The following PLD5 variants were observed in gnomAD, a reference collection of about 807,000 sequenced individuals.
PLD5 encodes the protein phospholipase D family member 5.
A neutral mutation model predicts 61.1 loss-of-function variants in PLD5; 36 were observed. That is an observed-to-expected ratio of 0.59 (90% CI 0.45 to 0.78). The LOEUF is 0.78. Ranked by LOEUF, PLD5 falls within the 30% of genes least tolerant of loss-of-function variation. The probability of loss-of-function intolerance (pLI) is 0.00; values close to 1 mark genes in which losing one functional copy is unlikely to be tolerated. For synonymous variants in PLD5, 243 were observed against 242.8 expected (o/e 1.00, Z -0.01); for missense variants, 515 against 644.4 (o/e 0.80, Z 2.17).
At chr1:242,290,927 C>T (rs1212194660) in intron 2 of PLD5, among the ~76,000 whole-genome samples, 1 of 152,142 alleles carries the variant, frequency 6.6e-6, no homozygotes, top group African/African-American at 2.4e-5. Flanking sequence ...CTGCCTGCTG[C>T]CTAATGAAAC....
At chr1:242,392,012 C>T (rs1022793222) in intron 1 of PLD5, among the ~76,000 whole-genome samples, 7 of 152,178 alleles carry the variant, frequency 4.6e-5, no homozygotes, top group Admixed American at 1.3e-4. Context: ...AATATAGGTG[C>T]CCATCAACAG....
At chr1:242,465,822 C>T (rs564516945) in intron 1 of PLD5, among the ~76,000 whole-genome samples, 3 of 152,086 alleles carry the variant, frequency 2.0e-5, no homozygotes, top group Non-Finnish European at 2.9e-5. Context: ...CCCAGCTACT[C>T]GGGAGGCTGA....
At chr1:242,418,567 A>G (rs1664953839) in intron 1 of PLD5, among the ~76,000 whole-genome samples, 1 of 152,190 alleles carries the variant, frequency 6.6e-6, no homozygotes, top group African/African-American at 2.4e-5. Flanking sequence ...CAGCAAAGTC[A>G]GGAGAATGGG....
chr1:242,297,422 T>G (rs867585525), intron 2 of PLD5, among the ~76,000 whole-genome samples: 117 of 80,630 alleles, frequency 1.5e-3, no homozygotes, highest in Middle Eastern at 8.8e-3. Context: ...TTTTTTTTTT[T>G]TTAAGGCAGG....
chr1:242,159,521 A>T (rs1665657594), intron 5 of PLD5, among the ~76,000 whole-genome samples: 1 of 152,140 alleles, frequency 6.6e-6, no homozygotes, highest in Non-Finnish European at 1.5e-5. Flanking sequence ...CTTTACTGTT[A>T]GGCAGCCACT....
chr1:242,162,474 C>CAAAG (rs1029586447), intron 5 of PLD5, among the ~76,000 whole-genome samples: 3 of 152,084 alleles, frequency 2.0e-5, no homozygotes, highest in African/African-American at 7.2e-5. Flanking sequence ...ACCTAAAATG[C>CAAAG]AAAGAAAATT....
chr1:242,330,568 A>T (rs1659107124), intron 2 of PLD5, among the ~76,000 whole-genome samples: 1 of 152,128 alleles, frequency 6.6e-6, no homozygotes, highest in South Asian at 2.1e-4. Context: ...TCTCTCACAC[A>T]TTCTTGATGG....
rs535782607 is a variant in PLD5, at chr1:242,252,322, G to A, written c.607+13015C>T. Among the ~76,000 whole-genome samples, 8 of 152,284 alleles carry A rather than the reference G, an allele frequency of 5.3e-5. No individual in the cohort carries two copies. The East Asian group carries it at 1.2e-3, about 22-fold the overall frequency. On this transcript the variant is annotated intron_variant, in intron 4 of 9. Coordinates refer to ENST00000536534, the MANE Select transcript of PLD5 (RefSeq NM_001372062.1). Reference sequence around the variant, plus strand: ...AAGCAGGTGCAATTGGGATGTCCACGGAGTCACAGAAGTAAGGGATCTTAC... The same window carrying A: ...AAGCAGGTGCAATTGGGATGTCCACAGAGTCACAGAAGTAAGGGATCTTAC...
At chr1:242,418,631 G>A (rs1010107183) in intron 1 of PLD5, among the ~76,000 whole-genome samples, 1 of 152,188 alleles carries the variant, frequency 6.6e-6, no homozygotes, top group Non-Finnish European at 1.5e-5. Flanking sequence ...GGCTGACCTA[G>A]TGTATCAGTT....
At chr1:242,431,074 A>C (rs2102888589) in intron 1 of PLD5, among the ~76,000 whole-genome samples, 1 of 152,350 alleles carries the variant, frequency 6.6e-6, no homozygotes. Flanking sequence ...GGTGAAATAC[A>C]CATAACATAA....
intron 3 of PLD5, among the ~76,000 whole-genome samples, chr1:242,287,290 C>G (rs1405474187): frequency 6.6e-6 from 1 of 152,186 alleles, no homozygotes; most frequent in Non-Finnish European, 1.5e-5. Context: ...GAGATAAGTC[C>G]TCTCTGCCCA....
At chr1:242,283,726 C>A (rs1574663749) in intron 3 of PLD5, among the ~76,000 whole-genome samples, 1 of 152,100 alleles carries the variant, frequency 6.6e-6, no homozygotes, top group African/African-American at 2.4e-5. Context: ...CGCAATAAAC[C>A]AATGAGAGAC....
chr1:242,179,982 T>C lies in PLD5; in HGVS notation c.735+40006A>G, dbSNP rs116919384. ...AGTTGATGGTTAACCTGTGAGCTAT[T>C]TTCAGTGTTTCAAATATCATCACAC... On this transcript the variant is annotated intron_variant, in intron 5 of 9. Coordinates refer to ENST00000536534, the MANE Select transcript of PLD5 (RefSeq NM_001372062.1). Among the ~76,000 whole-genome samples, 237 of 152,174 alleles carry C rather than the reference T, an allele frequency of 1.6e-3. 2 individuals carry two copies. The East Asian group carries it at 0.04, about 26-fold the overall frequency.
intron 5 of PLD5, among the ~76,000 whole-genome samples, chr1:242,214,405 A>G (rs1670011899): frequency 6.6e-6 from 1 of 152,134 alleles, no homozygotes; most frequent in African/African-American, 2.4e-5. Context: ...TCCACTCTGG[A>G]GCCCACCCTG....
intron 5 of PLD5, among the ~76,000 whole-genome samples, chr1:242,176,126 A>G (rs1667124272): frequency 6.6e-6 from 1 of 152,230 alleles, no homozygotes; most frequent in African/African-American, 2.4e-5. Context: ...CCGCATAGCC[A>G]AGACAATCCT....
At chr1:242,154,679 T>C (rs747482167) in intron 5 of PLD5, among the ~76,000 whole-genome samples, 26 of 152,176 alleles carry the variant, frequency 1.7e-4, no homozygotes, top group Non-Finnish European at 2.6e-4. Flanking sequence ...CAGTCTTGCA[T>C]CTCAGGGATG....
intron 2 of PLD5, among the ~76,000 whole-genome samples, chr1:242,324,758 AGTAT>A (rs2149192534): frequency 6.6e-6 from 1 of 152,264 alleles, no homozygotes; most frequent in East Asian, 1.9e-4. Context: ...TTGATGTTTG[AGTAT>A]TTTTTAGAGT....
At chr1:242,516,486 T>G (rs1393588408) in intron 1 of PLD5, among the ~76,000 whole-genome samples, 1 of 152,076 alleles carries the variant, frequency 6.6e-6, no homozygotes, top group Non-Finnish European at 1.5e-5. Flanking sequence ...CCAATTTAGG[T>G]TTACAACTCA....
chr1:242,225,969 C>T (rs577348348), intron 4 of PLD5, among the ~76,000 whole-genome samples: 4 of 152,262 alleles, frequency 2.6e-5, no homozygotes, highest in East Asian at 3.9e-4. Context: ...TTACCCAAAG[C>T]GTCTGTACCA....
Sources: gnomAD v4.1 joint callset for allele counts (sites outside exome capture counted in the v4.1 genomes callset) on GRCh38, gnomAD v4.1.1 for gene constraint, MANE v1.5 for transcripts, NCBI Gene and HGNC (gene_info 2026-07-23, HGNC 2026-07-21) for gene names.